TMEM165: variants seen among roughly 807,000 people sequenced by gnomAD.
TMEM165 encodes the protein transmembrane protein 165.
In TMEM165, 19 loss-of-function variants were observed where a neutral mutation model predicts 30.0. The observed-to-expected ratio is 0.63, with a 90% CI of 0.44 to 0.93. The LOEUF is 0.93. TMEM165 is among the 40% of genes least tolerant of loss of function. The pLI, the probability that TMEM165 is intolerant of heterozygous loss-of-function variation, is 0.00. For synonymous variants in TMEM165, 168 were observed against 162.9 expected (o/e 1.03, Z -0.24); for missense variants, 340 against 417.0 (o/e 0.82, Z 1.61).
chr4:55,400,287 A>ATT (rs1213798590), intron 1 of TMEM165, among the ~76,000 whole-genome samples: 9 of 97,964 alleles, frequency 9.2e-5, no homozygotes, highest in Non-Finnish European at 1.6e-4. Context: ...AATATTATAT[A>ATT]TTATATATAA....
chr4:55,432,175 C>T (rs1206608744), intron 3 of TMEM165: 2 of 152,212 alleles, frequency 1.3e-5, no homozygotes, highest in East Asian at 3.8e-4. Context: ...TATTTACTCA[C>T]ATGCTACCTG....
intron 4 of TMEM165, chr4:55,423,027 T>TCAAGGC (rs765465972): frequency 1.1e-4 from 17 of 152,180 alleles, no homozygotes; most frequent in Non-Finnish European, 2.2e-4. Flanking sequence ...TCACTGTAGC[T>TCAAGGC]TCAAACTCAG....
chr4:55,400,406 TA>T (rs1720948760), intron 1 of TMEM165, among the ~76,000 whole-genome samples: 1 of 128,434 alleles, frequency 7.8e-6, no homozygotes, highest in African/African-American at 2.9e-5. Context: ...TTAATATAAT[TA>T]ATATATTTAT....
chr4:55,396,420 G>A (rs1479399251), intron 1 of TMEM165, 24 bp downstream of exon 1: 6 of 1,430,642 alleles, frequency 4.2e-6, no homozygotes, highest in Middle Eastern at 2.1e-4. Flanking sequence ...GATGGGGCGA[G>A]CGAGGCTGCA....
At chr4:55,397,626 C>G (rs896833435) in intron 1 of TMEM165, among the ~76,000 whole-genome samples, 6 of 152,080 alleles carry the variant, frequency 3.9e-5, no homozygotes, top group African/African-American at 1.4e-4. Context: ...TGACCCTTTC[C>G]TTTCCTTTCC....
chr4:55,430,157 TTC>T, downstream of TMEM165: 1 of 152,234 alleles, frequency 6.6e-6, no homozygotes, highest in Non-Finnish European at 1.5e-5. Flanking sequence ...CCTTTCTAAA[TTC>T]TTTCATAAAT....
In TMEM165 at chr4:55,396,214, G is replaced by T. The variant is rs1720714689; in HGVS notation, c.25G>T (p.Gly9Cys). The T allele has an allele frequency of 2.1e-6, 3 of 1,447,972 alleles. No homozygotes were observed. Among genetic ancestry groups the T allele is most frequent in the Non-Finnish European group, 2.7e-6 (3 of 1,103,670 alleles). 89.7% of individuals were successfully genotyped at this position (1,447,972 alleles called of 1,614,324 possible). A position where few individuals can be genotyped will look rare whatever the true frequency, so the allele number is the denominator to read the frequency against. The change falls in exon 1 of 6, where the codon GGC (glycine) becomes TGC (cysteine). Residue 9 changes from glycine to cysteine, a missense_variant. Physicochemically the swap from Gly to Cys is radical, Grantham distance 159. Coordinates refer to ENST00000381334, the MANE Select transcript of TMEM165 (RefSeq NM_018475.5). Reference protein sequence around the residue: MAAAAPGNGRASAPRLLLL... With the variant: MAAAAPGNCRASAPRLLLL... ...GATGGCGGCCGCGGCTCCAGGGAACGGCCGCGCATCGGCGCCCCGGCTGCT... is the reference window on the plus strand; with the variant it reads ...GATGGCGGCCGCGGCTCCAGGGAACTGCCGCGCATCGGCGCCCCGGCTGCT...
At chr4:55,430,725 A>G (rs1284130200), downstream of TMEM165, 1 of 152,190 alleles carries the variant, frequency 6.6e-6, no homozygotes, top group East Asian at 1.9e-4. Flanking sequence ...ATTATATTCT[A>G]AAATGTTACT....
intron 1 of TMEM165, among the ~76,000 whole-genome samples, chr4:55,399,944 T>A (rs866732986): frequency 1.3e-5 from 2 of 150,970 alleles, no homozygotes; most frequent in South Asian, 4.2e-4. Context: ...TCATTTTAGT[T>A]AGGCATTTAT....
intron 3 of TMEM165, among the ~76,000 whole-genome samples, chr4:55,447,851 CAAACA>C (rs1184894023): frequency 6.6e-6 from 1 of 152,016 alleles, no homozygotes; most frequent in Non-Finnish European, 1.5e-5. Flanking sequence ...TATTTAATGC[CAAACA>C]AAACAGAAAA....
chr4:55,409,762 C>A (rs970822347), intron 1 of TMEM165, among the ~76,000 whole-genome samples: 1 of 152,166 alleles, frequency 6.6e-6, no homozygotes, highest in African/African-American at 2.4e-5. Flanking sequence ...GGAACTCAGA[C>A]GTTGAGAAGA....
At chr4:55,431,064 C>T (rs1024726580), downstream of TMEM165, 4 of 152,102 alleles carry the variant, frequency 2.6e-5, no homozygotes, top group African/African-American at 9.7e-5. Flanking sequence ...AAATGGTTAA[C>T]GCCTAAGAAT....
chr4:55,450,812 T>C (rs11133381), intron 3 of TMEM165, among the ~76,000 whole-genome samples: 51,034 of 151,116 alleles, frequency 0.34, 9,309 homozygotes, highest in East Asian at 0.59. Context: ...CAGACCTAAA[T>C]TTTAACAGCT....
downstream of TMEM165, chr4:55,429,616 A>G (rs560525523): frequency 3.9e-5 from 6 of 152,332 alleles, no homozygotes; most frequent in African/African-American, 1.4e-4. Context: ...TATGATAATG[A>G]CAGCCATTAA....
chr4:55,420,106 A>AAAAAAAAATATATATATATATATATAT (rs1474254120), intron 4 of TMEM165, among the ~76,000 whole-genome samples: 1 of 45,446 alleles, frequency 2.2e-5, no homozygotes, highest in African/African-American at 8.3e-5. Flanking sequence ...AAGAAAAAAA[A>AAAAAAAAATATATATATATATATATAT]ATATATATAT....
intron 2 of TMEM165, chr4:55,415,979 C>G (rs1348692122): frequency 1.3e-5 from 2 of 152,004 alleles, no homozygotes; most frequent in Admixed American, 6.6e-5. Context: ...CTCAGCCCCT[C>G]AAGTAGGCTG....
intron 2 of TMEM165, chr4:55,415,831 TAA>T (rs1430210284): frequency 2.6e-5 from 4 of 152,100 alleles, no homozygotes; most frequent in Non-Finnish European, 4.4e-5. Context: ...GCTGGTGAAT[TAA>T]AGAGTAATTG....
At chr4:55,452,727 A>G in exon 4 of TMEM165, 1 of 194,550 alleles carries the variant, frequency 5.1e-6, no homozygotes, top group Non-Finnish European at 1.1e-5. Flanking sequence ...AGTATTTTCA[A>G]AGTGGGGATA....
Position 55,417,870 on chromosome 4 carries a change from A to C in TMEM165, c.677A>C (p.Gln226Pro). 1 of 1,614,176 alleles carries C rather than the reference A, an allele frequency of 6.2e-7. No homozygotes were observed. The highest frequency in any genetic ancestry group is 8.5e-7 in the Non-Finnish European group (1 of 1,180,016). ...VETGTSITVP[Q>P]KKWLHFISPI... ...ACGGGTACAAGCATAACAGTACCTC[A>C]GAAAAAGTGGTTGCATTTTATTTCA... Residue 226 changes from glutamine (Q) to proline (P), a missense_variant, in exon 4 of 6, where the codon CAG (glutamine) becomes CCG (proline). Gln to Pro is a moderately conservative substitution (Grantham distance 76, BLOSUM62 -1). This residue lies in a region of TMEM165 where 220 missense variants were observed against 307.6 expected (regional missense o/e 0.72). Transcript: ENST00000381334.
Sources: allele counts gnomAD v4.1 joint callset (sites outside exome capture counted in the v4.1 genomes callset), GRCh38; gene constraint gnomAD v4.1.1; regional missense constraint gnomAD v4.1.1; transcripts MANE v1.5; gene names NCBI Gene and HGNC (gene_info 2026-07-23, HGNC 2026-07-21).